GNG12: variants seen among roughly 807,000 people sequenced by gnomAD.
GNG12 encodes G protein subunit gamma 12, also known as guanine nucleotide-binding protein G(I)/G(S)/G(O) subunit gamma-12.
For missense variants in GNG12, 69 were observed against 83.8 expected (o/e 0.82, Z 0.69); for synonymous variants, 28 against 29.7 (o/e 0.94, Z 0.19).
At chr1:67,807,456 A>G (rs903245027) in intron 1 of GNG12, among the ~76,000 whole-genome samples, 4 of 151,924 alleles carry the variant, frequency 2.6e-5, no homozygotes, top group Non-Finnish European at 5.9e-5. Context: ...AATTCAAATT[A>G]AAGAAAAAAA....
intron 1 of GNG12, among the ~76,000 whole-genome samples, chr1:67,811,421 A>C (rs573693336): frequency 2.6e-5 from 4 of 152,116 alleles, no homozygotes; most frequent in Non-Finnish European, 5.9e-5. Flanking sequence ...ACACAACACT[A>C]AGCGATTCAA....
chr1:67,804,569 TA>T (rs1308324817), intron 1 of GNG12, among the ~76,000 whole-genome samples: 1 of 152,062 alleles, frequency 6.6e-6, no homozygotes, highest in Non-Finnish European at 1.5e-5. Context: ...TCCTAACAAC[TA>T]AAAAGCTGAA....
rs1409883338 is a variant in GNG12 at position 67,705,387 on chromosome 1, T to G, written c.*64A>C. The G allele has an allele frequency of 1.3e-6, 2 of 1,582,260 alleles. No individual in the cohort carries two copies. Among genetic ancestry groups the G allele is most frequent in the African/African-American group, 2.7e-5 (2 of 73,552 alleles). ...TTACCAAATAAGCTGAAGGTAAATC[T>G]CTTCAAGGAGCTGCTCATAATTTGC... On this transcript the variant is annotated 3_prime_UTR_variant, in exon 4 of 4. Coordinates refer to ENST00000370982, the MANE Select transcript of GNG12 (RefSeq NM_018841.6).
At chr1:67,706,081 G>A (rs1646245841) in intron 3 of GNG12, among the ~76,000 whole-genome samples, 1 of 152,204 alleles carries the variant, frequency 6.6e-6, no homozygotes, top group African/African-American at 2.4e-5. Context: ...GACAGAAGGA[G>A]GGAGAGAGAC....
chr1:67,740,900 T>C (rs1032349553), intron 2 of GNG12, among the ~76,000 whole-genome samples: 1 of 152,212 alleles, frequency 6.6e-6, no homozygotes, highest in Non-Finnish European at 1.5e-5. Context: ...ATGTTGTTTA[T>C]AAGCCATCCA....
At chr1:67,811,096 C>T (rs939370018) in intron 1 of GNG12, among the ~76,000 whole-genome samples, 2 of 152,108 alleles carry the variant, frequency 1.3e-5, no homozygotes, top group Non-Finnish European at 1.5e-5. Flanking sequence ...TTTTAACAGC[C>T]CTCCAAGTGA....
chr1:67,729,341 C>G (rs1320841469), intron 2 of GNG12, among the ~76,000 whole-genome samples: 2 of 152,058 alleles, frequency 1.3e-5, no homozygotes, highest in Non-Finnish European at 2.9e-5. Flanking sequence ...CTGAAAAAGT[C>G]AAAGTGCCCT....
intron 1 of GNG12, among the ~76,000 whole-genome samples, chr1:67,792,487 G>T (rs1285516504): frequency 6.6e-6 from 1 of 152,060 alleles, no homozygotes; most frequent in Non-Finnish European, 1.5e-5. Flanking sequence ...GCCCATTGGG[G>T]TGTTTTGATA....
At chr1:67,744,216 A>G (rs149923182) in intron 2 of GNG12, among the ~76,000 whole-genome samples, 74 of 152,316 alleles carry the variant, frequency 4.9e-4, no homozygotes, top group African/African-American at 1.7e-3. Context: ...GAAGAAATCA[A>G]GTAAATTACA....
At chr1:67,799,849 T>C (rs1223280251) in intron 1 of GNG12, among the ~76,000 whole-genome samples, 1 of 152,212 alleles carries the variant, frequency 6.6e-6, no homozygotes, top group African/African-American at 2.4e-5. Context: ...CTCTTTAATT[T>C]CAATTCTCTT....
intron 2 of GNG12, among the ~76,000 whole-genome samples, chr1:67,741,873 C>T (rs2100713504): frequency 6.6e-6 from 1 of 152,302 alleles, no homozygotes; most frequent in East Asian, 1.9e-4. Flanking sequence ...GGCTTCTTTA[C>T]ATAAAGCACA....
At chr1:67,756,341 T>C (rs544329794) in intron 2 of GNG12, among the ~76,000 whole-genome samples, 11 of 152,244 alleles carry the variant, frequency 7.2e-5, no homozygotes, top group Middle Eastern at 3.4e-3. Context: ...GACTGTAATA[T>C]GAGGTAGGAG....
chr1:67,803,760 C>T lies in GNG12; in HGVS notation c.-76-26253G>A, dbSNP rs1646879817. On this transcript the variant is annotated intron_variant, in intron 1 of 3. Coordinates refer to ENST00000370982, the MANE Select transcript of GNG12 (RefSeq NM_018841.6). Reference sequence around the variant, plus strand: ...TAAATGATGCAAGATGAATACTTAGCACAAGTCTGACACAGGGTAAGGGTT... The same window carrying T: ...TAAATGATGCAAGATGAATACTTAGTACAAGTCTGACACAGGGTAAGGGTT... 3.9e-5 allele frequency among the ~76,000 whole-genome samples: 6 copies of T among 152,276 alleles called. No individual in the cohort carries two copies. The South Asian group carries it at 1.2e-3, about 32-fold the overall frequency.
chr1:67,780,590 AG>A (rs1204749505), intron 1 of GNG12, among the ~76,000 whole-genome samples: 1 of 152,222 alleles, frequency 6.6e-6, no homozygotes, highest in Non-Finnish European at 1.5e-5. Flanking sequence ...TAGCATTGAA[AG>A]GATAGGAGCC....
chr1:67,713,208 T>C (rs144147944), intron 2 of GNG12, among the ~76,000 whole-genome samples: 1 of 152,360 alleles, frequency 6.6e-6, no homozygotes, highest in Non-Finnish European at 1.5e-5. Context: ...CCAAGTATTC[T>C]ATCCCACCCA....
At chr1:67,820,430 G>A (rs1646978645) in intron 1 of GNG12, among the ~76,000 whole-genome samples, 1 of 150,498 alleles carries the variant, frequency 6.6e-6, no homozygotes, top group African/African-American at 2.4e-5. Context: ...CTGAAAAACA[G>A]ATGAAGAGAC....
chr1:67,706,801 G>A (rs1427168944), intron 3 of GNG12, among the ~76,000 whole-genome samples: 1 of 151,862 alleles, frequency 6.6e-6, no homozygotes, highest in African/African-American at 2.4e-5. Context: ...GATTATAGGC[G>A]TGCGCACGCC....
chr1:67,827,762 T>C (rs1647019787), intron 1 of GNG12, among the ~76,000 whole-genome samples: 1 of 152,156 alleles, frequency 6.6e-6, no homozygotes, highest in Non-Finnish European at 1.5e-5. Flanking sequence ...TTCTCTGAAA[T>C]GCAGACCCAT....
At chr1:67,810,970 G>C (rs905072219) in intron 1 of GNG12, among the ~76,000 whole-genome samples, 3 of 152,108 alleles carry the variant, frequency 2.0e-5, no homozygotes, top group Non-Finnish European at 4.4e-5. Flanking sequence ...AGAATCAGTG[G>C]TTCGACCCCC....
Sources: gnomAD v4.1 joint callset for allele counts (sites outside exome capture counted in the v4.1 genomes callset) on GRCh38, gnomAD v4.1.1 for gene constraint, MANE v1.5 for transcripts, NCBI Gene and HGNC (gene_info 2026-07-23, HGNC 2026-07-21) for gene names.